The following MYCN variants were observed in gnomAD, a reference collection of about 807,000 sequenced individuals.
The protein encoded by MYCN is MYCN proto-oncogene, bHLH transcription factor.
In MYCN, 3 loss-of-function variants were observed where a neutral mutation model predicts 28.1. The ratio of observed to expected loss-of-function variants is 0.11; its 90% CI spans 0.05 to 0.28. The LOEUF is 0.28. Ranked by LOEUF, MYCN falls within the 10% of genes least tolerant of loss-of-function variation. MYCN has a pLI of 1.00. For missense variants in MYCN, 572 were observed against 651.4 expected, an observed-to-expected ratio of 0.88 and a Z score of 1.33; for synonymous variants, 326 against 288.3, an observed-to-expected ratio of 1.13 and a Z score of -1.32.
chr2:15,943,136 C>T (rs1662757989), intron 2 of MYCN, among the ~76,000 whole-genome samples: 1 of 152,336 alleles, frequency 6.6e-6, no homozygotes, highest in African/African-American at 2.4e-5. Context: ...CACCCGGTCC[C>T]CCACCTCTCT....
chr2:15,944,301 C>T (rs868329813), intron 2 of MYCN, among the ~76,000 whole-genome samples: 1 of 152,116 alleles, frequency 6.6e-6, no homozygotes, highest in Non-Finnish European at 1.5e-5. Flanking sequence ...TCTACCCCAG[C>T]GTGGTAGTCA....
chr2:15,941,795 C>G lies in MYCN; in HGVS notation c.-117-153C>G, dbSNP rs1053825539. The G allele has an allele frequency of 1.4e-5, 8 of 578,878 alleles. No homozygotes were observed. The highest frequency in any genetic ancestry group is 2.2e-5 in the Non-Finnish European group (7 of 323,164). 35.9% of individuals were successfully genotyped at this position (578,878 alleles called of 1,614,324 possible). A position where few individuals can be genotyped will look rare whatever the true frequency, so the allele number is the denominator to read the frequency against. On this transcript the variant is annotated intron_variant, in intron 1 of 2. Transcript: ENST00000281043. This position sits in a 1 kb window ranked among gnomAD's most constrained non-coding sequence, Gnocchi z 4.8. ...CAAAAGGAGGGCGGGAGGGAGGGAG[C>G]GAGAGGCACAACTTCCTCCACCTTC...
Position 15,942,926 on chromosome 2 carries a change from C to T in MYCN, c.790+72C>T, listed in dbSNP as rs928101246. 1.0e-5 allele frequency: 15 copies of T among 1,504,140 alleles called. No homozygotes were observed. The highest frequency in any genetic ancestry group is 1.8e-4 in the Middle Eastern group (1 of 5,662). The allele number at this position is 1,504,140 out of a possible 1,614,324, so 93.2% of individuals were successfully genotyped here. A position where few individuals can be genotyped will look rare whatever the true frequency, so the allele number is the denominator to read the frequency against. On this transcript the variant is annotated intron_variant, in intron 2 of 2. Coordinates refer to ENST00000281043, the MANE Select transcript of MYCN (RefSeq NM_005378.6). The surrounding 1 kb of genome is among the most constrained non-coding windows in gnomAD (Gnocchi z 7.0). ...CCGGGTCGCGTCCCCTTTGTTAGTG[C>T]TCGTATGTCTTGGCCTGGGGAGCAT...
At position 15,942,913 on chromosome 2, in the gene MYCN, C is replaced by T; in HGVS notation, c.790+59C>T. 6.5e-7 allele frequency: 1 copy of T among 1,528,098 alleles called. No individual in the cohort carries two copies. The highest frequency in any genetic ancestry group is 1.8e-5 in the Admixed American group (1 of 54,976). The allele number at this position is 1,528,098 out of a possible 1,614,324, so 94.7% of individuals were successfully genotyped here. A position where few individuals can be genotyped will look rare whatever the true frequency, so the allele number is the denominator to read the frequency against. On this transcript the variant is annotated intron_variant, in intron 2 of 2. Coordinates refer to ENST00000281043, the MANE Select transcript of MYCN (RefSeq NM_005378.6). This position sits in a 1 kb window ranked among gnomAD's most constrained non-coding sequence, Gnocchi z 7.0. ...GGGGCACTGGACCCCGGGTCGCGTCCCCTTTGTTAGTGCTCGTATGTCTTG... is the reference window on the plus strand; with the variant it reads ...GGGGCACTGGACCCCGGGTCGCGTCTCCTTTGTTAGTGCTCGTATGTCTTG...
In MYCN at chr2:15,942,489, C is replaced by T. The variant is rs1002376834; in HGVS notation, c.425C>T (p.Thr142Ile). ...CTGCAGCACGGCCGCGGGCCGCCAA[C>T]CGCCGGTTCCACCGCCCAGTCCCCG... ...EKLQHGRGPP[T>I]AGSTAQSPGA... The change falls in exon 2 of 3, where the codon ACC becomes ATC. Residue 142 changes from threonine (T) to isoleucine (I), a missense_variant. By Grantham distance (89) the Thr-to-Ile change is moderately conservative (BLOSUM62 -1). Around this residue, in one of 3 missense-constraint regions of MYCN, gnomAD observed 499 missense variants for 524.3 expected, o/e 0.95. Transcript: ENST00000281043. This position sits in a 1 kb window ranked among gnomAD's most constrained non-coding sequence, Gnocchi z 7.0. The T allele has an allele frequency of 1.3e-6, 2 of 1,556,796 alleles. No individual in the cohort carries two copies. The highest frequency in any genetic ancestry group is 1.4e-5 in the African/African-American group (1 of 73,336).
At position 15,942,258 on chromosome 2, in the gene MYCN, G is replaced by A. The variant is rs2103324130; in HGVS notation, c.194G>A (p.Arg65His). Residue 65 changes from arginine to histidine, a missense_variant, in exon 2 of 3, where the codon CGT becomes CAT. Physicochemically the swap from Arg to His is conservative, Grantham distance 29. Around this residue, in one of 3 missense-constraint regions of MYCN, gnomAD observed 499 missense variants for 524.3 expected, o/e 0.95. Coordinates refer to ENST00000281043, the MANE Select transcript of MYCN (RefSeq NM_005378.6). The surrounding 1 kb of genome is among the most constrained non-coding windows in gnomAD (Gnocchi z 7.0). ...LLPTPPLSPS[R>H]GFAEHSSEPP... ...CCCACGCCCCCGCTGTCGCCCAGCC[G>A]TGGCTTCGCGGAGCACAGCTCCGAG... 1.2e-6 allele frequency: 2 copies of A among 1,612,468 alleles called. No homozygotes were observed. Among genetic ancestry groups the A allele is most frequent in the Non-Finnish European group, 1.7e-6 (2 of 1,179,742 alleles).
At position 15,945,674 on chromosome 2, in the gene MYCN, T is replaced by A; in HGVS notation, c.972T>A (p.Leu324=). Residue 324 remains leucine, a synonymous_variant, in exon 3 of 3, where the codon CTT becomes CTA. Coordinates refer to ENST00000281043, the MANE Select transcript of MYCN (RefSeq NM_005378.6). The surrounding 1 kb of genome is among the most constrained non-coding windows in gnomAD (Gnocchi z 4.8). ...QSSELILKRC[L]PIHQQHNYAA... ...GCGAGCTGATCCTCAAACGATGCCTTCCCATCCACCAGCAGCACAACTATG... is the reference window on the plus strand; with the variant it reads ...GCGAGCTGATCCTCAAACGATGCCTACCCATCCACCAGCAGCACAACTATG... The A allele has an allele frequency of 6.2e-7, 1 of 1,614,092 alleles. No homozygotes were observed. The highest frequency in any genetic ancestry group is 1.7e-5 in the Admixed American group (1 of 60,020).
Position 15,941,756 on chromosome 2 carries a change from A to T in MYCN, c.-117-192A>T, listed in dbSNP as rs981421875. The T allele has an allele frequency of 9.8e-6, 5 of 509,316 alleles. No homozygotes were observed. The highest frequency in any genetic ancestry group is 1.8e-5 in the Non-Finnish European group (5 of 281,844). 31.5% of individuals were successfully genotyped at this position (509,316 alleles called of 1,614,324 possible). A position where few individuals can be genotyped will look rare whatever the true frequency, so the allele number is the denominator to read the frequency against. Reference sequence around the variant, plus strand: ...CATGCCCCCTCCCACCCCCTGTCGTAGACAGCTTGTACACAAAAGGAGGGC... The same window carrying T: ...CATGCCCCCTCCCACCCCCTGTCGTTGACAGCTTGTACACAAAAGGAGGGC... On this transcript the variant is annotated intron_variant, in intron 1 of 2. Transcript: ENST00000281043. The surrounding 1 kb of genome is among the most constrained non-coding windows in gnomAD (Gnocchi z 4.8).
At position 15,946,246 on chromosome 2, in the gene MYCN, G is replaced by C; in HGVS notation, c.*149G>C. The C allele has an allele frequency of 2.6e-6, 3 of 1,158,452 alleles. No individual in the cohort carries two copies. Among genetic ancestry groups the C allele is most frequent in the Non-Finnish European group, 3.8e-6 (3 of 799,652 alleles). 71.8% of individuals were successfully genotyped at this position (1,158,452 alleles called of 1,614,324 possible). On this transcript the variant is annotated 3_prime_UTR_variant, in exon 3 of 3. Transcript: ENST00000281043. ...CTGGGTGGGCAGTAGGACCACCAGT[G>C]TGGGGTTCTGCTGGGACCTTGGAGA...
intron 2 of MYCN, among the ~76,000 whole-genome samples, chr2:15,943,403 CTTTT>C (rs111360717): frequency 5.0e-4 from 69 of 138,396 alleles, no homozygotes; most frequent in Non-Finnish European, 9.4e-4. Flanking sequence ...TTTTCTTTTT[CTTTT>C]TTTTTTTTTT....
At position 15,942,969 on chromosome 2, in the gene MYCN, G is replaced by A. The variant is rs1662750315; in HGVS notation, c.790+115G>A. 2 of 1,303,446 alleles carry A rather than the reference G, an allele frequency of 1.5e-6. No homozygotes were observed. The highest frequency in any genetic ancestry group is 1.5e-5 in the South Asian group (1 of 68,590). 80.7% of individuals were successfully genotyped at this position (1,303,446 alleles called of 1,614,324 possible). A position where few individuals can be genotyped will look rare whatever the true frequency, so the allele number is the denominator to read the frequency against. On this transcript the variant is annotated intron_variant, in intron 2 of 2. Transcript: ENST00000281043. The surrounding 1 kb of genome is among the most constrained non-coding windows in gnomAD (Gnocchi z 7.0). The stretch of plus-strand genomic sequence containing the variant: ...GGGAGCATTTTGGAGGCAGTGCTAG[G>A]GGCAGAGAGGTCCTGTTTCCCCCAA...
rs1371290338 is a variant in MYCN, at chr2:15,942,564, G to A, written c.500G>A (p.Gly167Glu). The A allele has an allele frequency of 1.8e-6, 2 of 1,126,686 alleles. No homozygotes were observed. The highest frequency in any genetic ancestry group is 1.1e-6 in the Non-Finnish European group (1 of 922,558). The allele number at this position is 1,126,686 out of a possible 1,614,324, so 69.8% of individuals were successfully genotyped here. ...PAGRGHGGAA[G>E]AGRAGAALPA... ...GGTCGCGGGCACGGCGGGGCTGCGG[G>A]AGCCGGCCGCGCCGGGGCCGCCCTG... Residue 167 changes from glycine to glutamate, a missense_variant, in exon 2 of 3, where the codon GGA (glycine) becomes GAA (glutamate). By Grantham distance (98) the Gly-to-Glu change is moderately conservative. This residue lies in a region of MYCN where 499 missense variants were observed against 524.3 expected (regional missense o/e 0.95). Transcript: ENST00000281043. This position sits in a 1 kb window ranked among gnomAD's most constrained non-coding sequence, Gnocchi z 7.0.
At position 15,945,515 on chromosome 2, in the gene MYCN, A is replaced by C. The variant is rs1057521388; in HGVS notation, c.813A>C (p.Glu271Asp). The C allele has an allele frequency of 3.1e-6, 5 of 1,611,968 alleles. No homozygotes were observed. Among genetic ancestry groups the C allele is most frequent in the Non-Finnish European group, 4.2e-6 (5 of 1,179,092 alleles). Reference sequence around the variant, plus strand: ...CAGATGATGAAGATGATGAAGAGGAAGATGAAGAGGAAGAAATCGACGTGG... The same window carrying C: ...CAGATGATGAAGATGATGAAGAGGACGATGAAGAGGAAGAAATCGACGTGG... ...SDSDDEDDEE[E>D]DEEEEIDVVT... is the part of the protein sequence containing the mutation. The change falls in exon 3 of 3, where the codon GAA becomes GAC. Residue 271 changes from glutamate to aspartate, a missense_variant. By Grantham distance (45) the Glu-to-Asp change is conservative. Coordinates refer to ENST00000281043, the MANE Select transcript of MYCN (RefSeq NM_005378.6). The surrounding 1 kb of genome is among the most constrained non-coding windows in gnomAD (Gnocchi z 4.8).
chr2:15,944,509 GT>G (rs1464536036), intron 2 of MYCN, among the ~76,000 whole-genome samples: 3 of 151,958 alleles, frequency 2.0e-5, no homozygotes, highest in African/African-American at 7.3e-5. Flanking sequence ...ACGAAAAGTT[GT>G]TTTTTTTCTT....
chr2:15,943,330 CTGTT>C (rs1265736929), intron 2 of MYCN, among the ~76,000 whole-genome samples: 1 of 151,868 alleles, frequency 6.6e-6, no homozygotes, highest in African/African-American at 2.4e-5. Context: ...GTGCAAAGCC[CTGTT>C]TAAGGCGCAG....
Position 15,942,774 on chromosome 2 carries a change from C to A in MYCN, c.710C>A (p.Pro237Gln). The change falls in exon 2 of 3, where the codon CCG becomes CAG. Residue 237 changes from proline to glutamine, a missense_variant. Physicochemically the swap from Pro to Gln is moderately conservative, Grantham distance 76. Around this residue, in one of 3 missense-constraint regions of MYCN, gnomAD observed 499 missense variants for 524.3 expected, o/e 0.95. Coordinates refer to ENST00000281043, the MANE Select transcript of MYCN (RefSeq NM_005378.6). This position sits in a 1 kb window ranked among gnomAD's most constrained non-coding sequence, Gnocchi z 7.0. ...APAGAPGVAP[P>Q]RPGGRQTSGG... ...GCCGGGGCCCCGGGGGTCGCCCCTC[C>A]GCGCCCAGGCGGCCGCCAGACCAGC... 1 of 1,468,572 alleles carries A rather than the reference C, an allele frequency of 6.8e-7. No homozygotes were observed. Among genetic ancestry groups the A allele is most frequent in the Non-Finnish European group, 9.0e-7 (1 of 1,111,944 alleles). 91.0% of individuals were successfully genotyped at this position (1,468,572 alleles called of 1,614,324 possible).
At position 15,942,058 on chromosome 2, in the gene MYCN, C is replaced by A. The variant is rs925081508; in HGVS notation, c.-7C>A. 5 of 1,612,178 alleles carry A rather than the reference C, an allele frequency of 3.1e-6. No homozygotes were observed. Among genetic ancestry groups the A allele is most frequent in the Non-Finnish European group, 4.2e-6 (5 of 1,179,608 alleles). On this transcript the variant is annotated 5_prime_UTR_variant, in exon 2 of 3. Transcript: ENST00000281043. The surrounding 1 kb of genome is among the most constrained non-coding windows in gnomAD (Gnocchi z 7.0). ...AAGCCCTCAGTCGCCGGCCGGGAGG[C>A]GAGCCGATGCCGAGCTGCTCCACGT...
At chr2:15,940,938 AGAG>A in intron 1 of MYCN, 195 bp downstream of exon 1, 1 of 396,124 alleles carries the variant, frequency 2.5e-6, no homozygotes, top group Non-Finnish European at 4.4e-6. Context: ...CATCCTGGCT[AGAG>A]GAGACCCGCC....
Position 15,941,806 on chromosome 2 carries a change from A to G in MYCN, c.-117-142A>G. ...CGGGAGGGAGGGAGCGAGAGGCACAACTTCCTCCACCTTCGGGAGCAGTGG... is the reference window on the plus strand; with the variant it reads ...CGGGAGGGAGGGAGCGAGAGGCACAGCTTCCTCCACCTTCGGGAGCAGTGG... On this transcript the variant is annotated intron_variant, in intron 1 of 2. Coordinates refer to ENST00000281043, the MANE Select transcript of MYCN (RefSeq NM_005378.6). The surrounding 1 kb of genome is among the most constrained non-coding windows in gnomAD (Gnocchi z 4.8). The G allele has an allele frequency of 3.4e-6, 2 of 588,304 alleles. No homozygotes were observed. Among genetic ancestry groups the G allele is most frequent in the Non-Finnish European group, 3.0e-6 (1 of 329,266 alleles). The allele number at this position is 588,304 out of a possible 1,614,324, so 36.4% of individuals were successfully genotyped here. A position where few individuals can be genotyped will look rare whatever the true frequency, so the allele number is the denominator to read the frequency against.
Sources: allele counts gnomAD v4.1 joint callset (sites outside exome capture counted in the v4.1 genomes callset), GRCh38; gene constraint gnomAD v4.1.1; regional missense constraint gnomAD v4.1.1; non-coding constraint Gnocchi (gnomAD v3.1); transcripts MANE v1.5; gene names NCBI Gene and HGNC (gene_info 2026-07-23, HGNC 2026-07-21).